DGKB: variants seen among roughly 807,000 people sequenced by gnomAD.
DGKB encodes 90 kDa diacylglycerol kinase.
DGKB carries 67 observed loss-of-function variants against 114.3 expected under a neutral mutation model. The ratio of observed to expected loss-of-function variants is 0.59; its 90% CI spans 0.48 to 0.72. The LOEUF (loss-of-function observed/expected upper bound fraction) is 0.72, where lower values mean the gene tolerates loss of function less well. Ranked by LOEUF, DGKB falls within the 30% of genes least tolerant of loss-of-function variation. The probability of loss-of-function intolerance (pLI) is 0.00; values close to 1 mark genes in which losing one functional copy is unlikely to be tolerated. For missense variants in DGKB, 907 were observed against 975.2 expected (o/e 0.93, Z 0.93); for synonymous variants, 398 against 323.1 (o/e 1.23, Z -2.49).
At chr7:14,824,478 C>A (rs1040302124) in intron 2 of DGKB, among the ~76,000 whole-genome samples, 1 of 151,946 alleles carries the variant, frequency 6.6e-6, no homozygotes, top group African/African-American at 2.4e-5. Context: ...GGAGATAGAT[C>A]AAATTTAGAT....
chr7:14,279,212 A>C (rs1369237514), intron 23 of DGKB, among the ~76,000 whole-genome samples: 2 of 148,122 alleles, frequency 1.4e-5, no homozygotes. Flanking sequence ...TATATCCCGC[A>C]CGTGGCTCGG....
At chr7:14,633,577 A>G (rs1211086502) in intron 13 of DGKB, among the ~76,000 whole-genome samples, 25 of 151,938 alleles carry the variant, frequency 1.6e-4, no homozygotes, top group Admixed American at 1.6e-3. Context: ...AAATTTAGCT[A>G]TCGTATCACT....
intron 1 of DGKB, among the ~76,000 whole-genome samples, chr7:14,875,307 C>T (rs890208490): frequency 7.2e-5 from 11 of 152,062 alleles, no homozygotes; most frequent in Admixed American, 2.6e-4. Context: ...CTGCCGAATG[C>T]TATTTTGTTT....
intron 2 of DGKB, among the ~76,000 whole-genome samples, chr7:14,766,626 A>G (rs1330106066): frequency 6.6e-6 from 1 of 151,912 alleles, no homozygotes; most frequent in African/African-American, 2.4e-5. Flanking sequence ...GTGGAACCCA[A>G]TAGAGAAGCC....
At chr7:14,864,788 T>G (rs530991265) in intron 1 of DGKB, among the ~76,000 whole-genome samples, 2 of 121,180 alleles carry the variant, frequency 1.7e-5, no homozygotes, top group East Asian at 3.9e-4. Context: ...GGATAAGAGA[T>G]GATGACAAAA....
At chr7:14,277,997 A>G (rs1799286560) in intron 23 of DGKB, among the ~76,000 whole-genome samples, 1 of 152,178 alleles carries the variant, frequency 6.6e-6, no homozygotes, top group South Asian at 2.1e-4. Flanking sequence ...AGTGGTCTTA[A>G]TTTGCATTTC....
chr7:14,745,926 T>A (rs1833217036), intron 4 of DGKB, among the ~76,000 whole-genome samples: 1 of 152,252 alleles, frequency 6.6e-6, no homozygotes, highest in African/African-American at 2.4e-5. Flanking sequence ...ACTCTTCTTT[T>A]TTCAGCATGC....
Position 14,149,129 on chromosome 7 carries a change from G to A in DGKB, c.*2C>T, listed in dbSNP as rs751193803. 6 of 1,611,818 alleles carry A rather than the reference G, an allele frequency of 3.7e-6. No individual in the cohort carries two copies. The East Asian group carries it at 6.7e-5, about 18-fold the overall frequency. ...AATTTCTAAGAGTGAAACAACACAG[G>A]ATTATTCCTTGCTTCGGTTTCTTGT... On this transcript the variant is annotated 3_prime_UTR_variant, in exon 26 of 26. Transcript: ENST00000402815.
chr7:14,920,331 G>A (rs139359974), intron 1 of DGKB, among the ~76,000 whole-genome samples: 52 of 152,096 alleles, frequency 3.4e-4, no homozygotes, highest in African/African-American at 1.2e-3. Context: ...TTAAAAATGG[G>A]AAAAATATAT....
At chr7:14,657,131 C>G (rs1040863616) in intron 13 of DGKB, among the ~76,000 whole-genome samples, 7 of 151,752 alleles carry the variant, frequency 4.6e-5, no homozygotes, top group Admixed American at 3.3e-4. Flanking sequence ...AATACACGGA[C>G]ATGCTATGAC....
intron 13 of DGKB, among the ~76,000 whole-genome samples, chr7:14,635,808 G>A (rs1418404256): frequency 6.6e-6 from 1 of 151,324 alleles, no homozygotes; most frequent in Non-Finnish European, 1.5e-5. Flanking sequence ...CAAATTTTAT[G>A]TTCATAAAAT....
In DGKB at chr7:14,941,233, C is replaced by CA. The variant is rs200333077; in HGVS notation, c.-188+33462dup. Among the ~76,000 whole-genome samples the CA allele has an allele frequency of 2.9e-3, 436 of 151,352 alleles. 1 individual carries two copies. The highest frequency in any genetic ancestry group is 1.0e-2 in the African/African-American group (412 of 41,300). ...AAAATGACCACTTTTCAAGTGCTTGCAAAAAAAATAAATTATTAAAACAGC... is the reference window on the plus strand; with the variant it reads ...AAAATGACCACTTTTCAAGTGCTTGCAAAAAAAAATAAATTATTAAAACAGC... On this transcript the variant is annotated intron_variant, in intron 1 of 4. Transcript: ENST00000437998.
In DGKB at chr7:14,673,033, A is replaced by G; in HGVS notation, c.1036-6T>C. On this transcript the variant is annotated splice_region_variant and splice_polypyrimidine_tract_variant and intron_variant, in intron 12 of 25. Transcript: ENST00000402815. ...GAAGCACATTTATTATGCAGCTAGA[A>G]AAACAGAAAGGGGGATAGTATCAAA... 6.5e-7 allele frequency: 1 copy of G among 1,543,892 alleles called. No homozygotes were observed.
intron 20 of DGKB, among the ~76,000 whole-genome samples, chr7:14,496,230 T>C (rs1450967329): frequency 1.3e-5 from 2 of 151,924 alleles, no homozygotes; most frequent in Non-Finnish European, 2.9e-5. Flanking sequence ...CAAATGTAGA[T>C]TGTAGAAGTA....
At chr7:14,547,776 T>C (rs1298279882) in intron 20 of DGKB, among the ~76,000 whole-genome samples, 2 of 152,162 alleles carry the variant, frequency 1.3e-5, no homozygotes, top group Non-Finnish European at 2.9e-5. Flanking sequence ...TTAAATTAGC[T>C]ATGGAACATT....
intron 20 of DGKB, among the ~76,000 whole-genome samples, chr7:14,526,598 T>A (rs1190667258): frequency 6.6e-6 from 1 of 152,096 alleles, no homozygotes; most frequent in Non-Finnish European, 1.5e-5. Flanking sequence ...GTAAATATTT[T>A]AAAAAATAAT....
At chr7:14,898,640 T>C (rs1168609494) in intron 1 of DGKB, among the ~76,000 whole-genome samples, 1 of 152,054 alleles carries the variant, frequency 6.6e-6, no homozygotes, top group African/African-American at 2.4e-5. Flanking sequence ...CATTCAAAAA[T>C]CAATCCTGAA....
chr7:14,940,379 C>T (rs1785507653), intron 1 of DGKB, among the ~76,000 whole-genome samples: 1 of 150,278 alleles, frequency 6.7e-6, no homozygotes, highest in African/African-American at 2.4e-5. Context: ...TTTTTATTGA[C>T]AAAATTCAAA....
intron 23 of DGKB, among the ~76,000 whole-genome samples, chr7:14,204,202 C>T (rs1048091199): frequency 4.6e-5 from 7 of 151,912 alleles, no homozygotes; most frequent in African/African-American, 1.7e-4. Context: ...TAGTAAATTA[C>T]ATACTGTACT....
Sources: allele counts gnomAD v4.1 joint callset (sites outside exome capture counted in the v4.1 genomes callset), GRCh38; gene constraint gnomAD v4.1.1; transcripts MANE v1.5; gene names NCBI Gene and HGNC (gene_info 2026-07-23, HGNC 2026-07-21).